The following SNAI1 variants were observed in gnomAD, a reference collection of about 807,000 sequenced individuals.
SNAI1 encodes the protein snail family transcriptional repressor 1, also known as zinc finger protein SNAI1.
SNAI1 carries 15 observed loss-of-function variants against 24.7 expected under a neutral mutation model. The observed-to-expected ratio is 0.61, with a 90% CI of 0.41 to 0.93. The LOEUF (loss-of-function observed/expected upper bound fraction) is 0.93, where lower values mean the gene tolerates loss of function less well. Ranked by LOEUF, SNAI1 falls within the 40% of genes least tolerant of loss-of-function variation. The probability of loss-of-function intolerance (pLI) is 0.00; values close to 1 mark genes in which losing one functional copy is unlikely to be tolerated. For synonymous variants in SNAI1, 163 were observed against 142.9 expected, an observed-to-expected ratio of 1.14 and a Z score of -1.00; for missense variants, 283 against 336.7, an observed-to-expected ratio of 0.84 and a Z score of 1.25.
intron 1 of SNAI1, 64 bp downstream of exon 1, chr20:49,983,205 G>A: frequency 4.8e-6 from 6 of 1,253,974 alleles, no homozygotes; most frequent in East Asian, 2.4e-5. Context: ...TGCGTGGGGG[G>A]CACCTGAGGG....
rs1412530827 is a variant in SNAI1, at chr20:49,988,511, C to CCCCCAGGTGCAG, written c.*463_*474dup. 2 of 154,884 alleles carry CCCCCAGGTGCAG rather than the reference C, an allele frequency of 1.3e-5. No homozygotes were observed. The highest frequency in any genetic ancestry group is 2.9e-5 in the Non-Finnish European group (2 of 69,700). 9.6% of individuals were successfully genotyped at this position (154,884 alleles called of 1,614,324 possible). ...GTGTGACTAACTATGCAATAATCCA[C>CCCCCAGGTGCAG]CCCCAGGTGCAGCCCCAGGGCCTGC... On this transcript the variant is annotated 3_prime_UTR_variant, in exon 3 of 3. Coordinates refer to ENST00000244050, the MANE Select transcript of SNAI1 (RefSeq NM_005985.4).
At chr20:49,987,742 G>A in intron 2 of SNAI1, 130 bp from the exon 3 acceptor site, 1 of 830,398 alleles carries the variant, frequency 1.2e-6, no homozygotes, top group South Asian at 1.6e-5. Flanking sequence ...CTGGCTGTGT[G>A]TTTGACGGAG....
At position 49,984,281 on chromosome 20, in the gene SNAI1, C is replaced by T. The variant is rs558251214; in HGVS notation, c.540C>T (p.Cys180=). Residue 180 remains cysteine (C), a synonymous_variant, in exon 2 of 3, where the codon TGC becomes TGT. Transcript: ENST00000244050. ...KMHIRSHTLP[C]VCGTCGKAFS... ...ACATCCGAAGCCACACGCTGCCCTG[C>T]GTCTGCGGAACCTGCGGGAAGGCCT... is the stretch of plus-strand genomic sequence containing the variant. 5.3e-5 allele frequency: 86 copies of T among 1,614,008 alleles called. No individual in the cohort carries two copies. The highest frequency in any genetic ancestry group is 8.9e-5 in the East Asian group (4 of 44,876).
rs375380136 is a variant in SNAI1 at position 49,984,356 on chromosome 20, G to A, written c.610+5G>A. Reference sequence around the variant, plus strand: ...GCCATGTCCGGACCCACACTGGTACGTGCCCCTCCAGGCGCCCCCACCGTT... The same window carrying A: ...GCCATGTCCGGACCCACACTGGTACATGCCCCTCCAGGCGCCCCCACCGTT... On this transcript the variant is annotated splice_donor_5th_base_variant and intron_variant, in intron 2 of 2. Transcript: ENST00000244050. 3.8e-6 allele frequency: 6 copies of A among 1,587,352 alleles called. No homozygotes were observed. The highest frequency in any genetic ancestry group is 2.3e-5 in the East Asian group (1 of 43,914).
intron 1 of SNAI1, 111 bp downstream of exon 1, chr20:49,983,252 G>A (rs1196004410): frequency 3.5e-6 from 3 of 847,660 alleles, no homozygotes; most frequent in Non-Finnish European, 5.9e-6. Flanking sequence ...GTCACAGGAT[G>A]TTTTGTGGAC....
chr20:49,983,283 G>C lies in SNAI1; in HGVS notation c.82+142G>C, dbSNP rs2078322675. Reference sequence around the variant, plus strand: ...TGGACCATTGCGGGCTCGGGAGACCGGGCAAGTGGGTCCCCAGTTCCGGGG... The same window carrying C: ...TGGACCATTGCGGGCTCGGGAGACCCGGCAAGTGGGTCCCCAGTTCCGGGG... On this transcript the variant is annotated intron_variant, in intron 1 of 2. Transcript: ENST00000244050. 4.3e-6 allele frequency: 3 copies of C among 695,432 alleles called. No homozygotes were observed. In the South Asian group the frequency reaches 4.9e-5, roughly 11 times the overall value. 43.1% of individuals were successfully genotyped at this position (695,432 alleles called of 1,614,324 possible). A position where few individuals can be genotyped will look rare whatever the true frequency, so the allele number is the denominator to read the frequency against.
chr20:49,983,477 T>C (rs1393749395), intron 1 of SNAI1, among the ~76,000 whole-genome samples: 1 of 142,392 alleles, frequency 7.0e-6, no homozygotes, highest in Admixed American at 7.0e-5. Flanking sequence ...GTCCAGAGGG[T>C]TGAGGGGAGG....
At chr20:49,984,564 C>G (rs1393848010) in intron 2 of SNAI1, among the ~76,000 whole-genome samples, 1 of 152,242 alleles carries the variant, frequency 6.6e-6, no homozygotes, top group Non-Finnish European at 1.5e-5. Flanking sequence ...TCCCAATCCC[C>G]TGCAGCCTGT....
intron 2 of SNAI1, among the ~76,000 whole-genome samples, chr20:49,986,459 G>A (rs1336820734): frequency 5.3e-5 from 8 of 152,156 alleles, no homozygotes; most frequent in African/African-American, 1.9e-4. Flanking sequence ...AGGAGGTGAT[G>A]GAATGAATTC....
intron 2 of SNAI1, 36 bp downstream of exon 2, chr20:49,984,387 C>T (rs4647957): frequency 0.13 from 198,022 of 1,524,400 alleles, 13,911 homozygotes; most frequent in Admixed American, 0.23. Context: ...CCGTTGCTCT[C>T]TCTGGCAGCT....
Position 49,984,115 on chromosome 20 carries a change from C to A in SNAI1, c.374C>A (p.Ala125Asp), listed in dbSNP as rs745445690. 6.2e-7 allele frequency: 1 copy of A among 1,614,230 alleles called. No individual in the cohort carries two copies. The highest frequency in any genetic ancestry group is 1.7e-5 in the Admixed American group (1 of 60,024). Residue 125 changes from alanine to aspartate, a missense_variant, in exon 2 of 3, where the codon GCC becomes GAC. Ala to Asp is a moderately radical substitution (Grantham distance 126). Coordinates refer to ENST00000244050, the MANE Select transcript of SNAI1 (RefSeq NM_005985.4). ...TCAGTCTCTTCCTTGGAGGCCGAGG[C>A]CTATGCTGCCTTCCCAGGCTTGGGC... ...STSVSSLEAE[A>D]YAAFPGLGQV...
chr20:49,988,449 C>T lies in SNAI1; in HGVS notation c.*393C>T, dbSNP rs973845832. 15 of 167,714 alleles carry T rather than the reference C, an allele frequency of 8.9e-5. No homozygotes were observed. The highest frequency in any genetic ancestry group is 6.4e-5 in the Non-Finnish European group (5 of 78,184). The allele number at this position is 167,714 out of a possible 1,614,324, so 10.4% of individuals were successfully genotyped here. A position where few individuals can be genotyped will look rare whatever the true frequency, so the allele number is the denominator to read the frequency against. Reference sequence around the variant, plus strand: ...GGGGACCCCACTCCCCTCACACACACCCCCCCACAAGGAACCCTCAGGCCA... The same window carrying T: ...GGGGACCCCACTCCCCTCACACACATCCCCCCACAAGGAACCCTCAGGCCA... On this transcript the variant is annotated 3_prime_UTR_variant, in exon 3 of 3. Transcript: ENST00000244050.
rs369673182 is a variant in SNAI1, at chr20:49,984,282, G to C, written c.541G>C (p.Val181Leu). 1 of 1,613,890 alleles carries C rather than the reference G, an allele frequency of 6.2e-7. No individual in the cohort carries two copies. Among genetic ancestry groups the C allele is most frequent in the Non-Finnish European group, 8.5e-7 (1 of 1,179,990 alleles). Residue 181 changes from valine to leucine, a missense_variant, in exon 2 of 3, where the codon GTC becomes CTC. Val to Leu is a conservative substitution (Grantham distance 32). Transcript: ENST00000244050. The part of the protein sequence containing the change: ...MHIRSHTLPC[V>L]CGTCGKAFSR... Reference sequence around the variant, plus strand: ...CATCCGAAGCCACACGCTGCCCTGCGTCTGCGGAACCTGCGGGAAGGCCTT... The same window carrying C: ...CATCCGAAGCCACACGCTGCCCTGCCTCTGCGGAACCTGCGGGAAGGCCTT...
In SNAI1 at chr20:49,982,989, C is replaced by T. The variant is rs1046188083; in HGVS notation, c.-71C>T. 4.1e-5 allele frequency: 43 copies of T among 1,050,976 alleles called. No homozygotes were observed. The highest frequency in any genetic ancestry group is 1.6e-4 in the South Asian group (12 of 76,836). The allele number at this position is 1,050,976 out of a possible 1,614,324, so 65.1% of individuals were successfully genotyped here. ...CGGCGCTGCTGCATTCATTGCGCCG[C>T]GGCACGGCCTAGCGAGTGGTTCTTC... On this transcript the variant is annotated 5_prime_UTR_variant, in exon 1 of 3. Coordinates refer to ENST00000244050, the MANE Select transcript of SNAI1 (RefSeq NM_005985.4).
chr20:49,984,900 C>G (rs1199392255), intron 2 of SNAI1, among the ~76,000 whole-genome samples: 1 of 152,234 alleles, frequency 6.6e-6, no homozygotes, highest in Non-Finnish European at 1.5e-5. Flanking sequence ...ACCTGCTAAA[C>G]TCTCACAAAA....
chr20:49,985,754 G>A (rs947210756), intron 2 of SNAI1, among the ~76,000 whole-genome samples: 1 of 152,260 alleles, frequency 6.6e-6, no homozygotes, highest in Non-Finnish European at 1.5e-5. Flanking sequence ...TCCAGTCACA[G>A]CTGCTGGCCC....
At chr20:49,984,464 C>A in intron 2 of SNAI1, 113 bp downstream of exon 2, 1 of 1,109,088 alleles carries the variant, frequency 9.0e-7, no homozygotes, top group Non-Finnish European at 1.2e-6. Context: ...AGTCTTCTAA[C>A]TTCTAGCTCA....
intron 2 of SNAI1, 115 bp from the exon 3 acceptor site, chr20:49,987,757 G>A (rs2078338521): frequency 3.0e-6 from 3 of 994,594 alleles, no homozygotes; most frequent in Non-Finnish European, 4.6e-6. Flanking sequence ...ACGGAGGCCT[G>A]GCTTTCCTGG....
chr20:49,987,819 C>T lies in SNAI1; in HGVS notation c.611-53C>T, dbSNP rs138561934. 7.2e-4 allele frequency: 1,112 copies of T among 1,541,256 alleles called. 1 individual carries two copies. The highest frequency in any genetic ancestry group is 3.7e-3 in the Middle Eastern group (22 of 5,870). On this transcript the variant is annotated intron_variant, in intron 2 of 2. Transcript: ENST00000244050. Reference sequence around the variant, plus strand: ...GGTATGCGGGGAGGGATTCCCATCACTGCCAGCCGTTGTCCCACGGCTCAC... The same window carrying T: ...GGTATGCGGGGAGGGATTCCCATCATTGCCAGCCGTTGTCCCACGGCTCAC...
Sources: gnomAD v4.1 joint callset for allele counts (sites outside exome capture counted in the v4.1 genomes callset) on GRCh38, gnomAD v4.1.1 for gene constraint, MANE v1.5 for transcripts, NCBI Gene and HGNC (gene_info 2026-07-23, HGNC 2026-07-21) for gene names.